ZNF804B: variants seen among roughly 807,000 people sequenced by gnomAD.
ZNF804B encodes the protein zinc finger protein 804B.
In ZNF804B, 80 loss-of-function variants were observed where a neutral mutation model predicts 101.4. The observed-to-expected ratio is 0.79, with a 90% CI of 0.66 to 0.95. ZNF804B has a LOEUF of 0.95. ZNF804B is among the 40% of genes least tolerant of loss of function. The pLI, the probability that ZNF804B is intolerant of heterozygous loss-of-function variation, is 0.00. For synonymous variants in ZNF804B, 622 were observed against 558.8 expected (o/e 1.11, Z -1.59); for missense variants, 1,673 against 1,561.9 (o/e 1.07, Z -1.20).
intron 1 of ZNF804B, among the ~76,000 whole-genome samples, chr7:88,831,377 G>C (rs1233587697): frequency 6.6e-6 from 1 of 151,786 alleles, no homozygotes; most frequent in Admixed American, 6.6e-5. Flanking sequence ...GTAAAATGTT[G>C]CCATATTTAT....
intron 1 of ZNF804B, among the ~76,000 whole-genome samples, chr7:88,785,477 G>A (rs891126898): frequency 2.0e-5 from 3 of 151,970 alleles, no homozygotes; most frequent in African/African-American, 7.3e-5. Flanking sequence ...GTTCTCATCC[G>A]ATCTGTTTCC....
intron 1 of ZNF804B, among the ~76,000 whole-genome samples, chr7:88,842,081 A>G (rs1285903051): frequency 6.6e-6 from 1 of 152,168 alleles, no homozygotes; most frequent in Non-Finnish European, 1.5e-5. Context: ...ATTCAATACA[A>G]ATATTTAAGT....
At chr7:89,329,743 T>G (rs1790949360) in intron 3 of ZNF804B, among the ~76,000 whole-genome samples, 1 of 151,644 alleles carries the variant, frequency 6.6e-6, no homozygotes, top group Non-Finnish European at 1.5e-5. Flanking sequence ...TAGTACATCT[T>G]AATATGGAAA....
At chr7:89,322,826 C>T (rs2115972011) in intron 2 of ZNF804B, among the ~76,000 whole-genome samples, 1 of 152,208 alleles carries the variant, frequency 6.6e-6, no homozygotes, top group East Asian at 1.9e-4. Flanking sequence ...GAAAACATGG[C>T]TTCAGTGGTG....
intron 1 of ZNF804B, among the ~76,000 whole-genome samples, chr7:88,968,569 A>G (rs941530569): frequency 3.3e-5 from 5 of 151,650 alleles, no homozygotes; most frequent in African/African-American, 1.2e-4. Context: ...GAGTGCCTTG[A>G]ACACTGCCTG....
chr7:89,220,071 A>ATATG lies in ZNF804B; in HGVS notation c.249+1777_249+1778insATGT, dbSNP rs1554380247. On this transcript the variant is annotated intron_variant, in intron 2 of 3. Coordinates refer to ENST00000333190, the MANE Select transcript of ZNF804B (RefSeq NM_181646.5). ...CATATATACATATATACGCACATAT[A>ATATG]TGTGTATATACATATATATACGCAC... Among the ~76,000 whole-genome samples, 447 of 72,716 alleles carry ATATG rather than the reference A, an allele frequency of 6.1e-3. 52 individuals are homozygous for ATATG. Among genetic ancestry groups the ATATG allele is most frequent in the African/African-American group, 0.012 (207 of 17,006 alleles). The allele number at this position is 72,716 out of a possible 152,430, so 47.7% of individuals were successfully genotyped here.
intron 1 of ZNF804B, among the ~76,000 whole-genome samples, chr7:89,023,243 G>A (rs943503831): frequency 6.6e-6 from 1 of 152,072 alleles, no homozygotes; most frequent in Non-Finnish European, 1.5e-5. Context: ...CCTCTATAGT[G>A]CTGACTTTTT....
chr7:88,842,380 C>G (rs1443029598), intron 1 of ZNF804B, among the ~76,000 whole-genome samples: 1 of 152,164 alleles, frequency 6.6e-6, no homozygotes, highest in Non-Finnish European at 1.5e-5. Context: ...ACTGCCAACT[C>G]TGTTGGGAGA....
intron 1 of ZNF804B, among the ~76,000 whole-genome samples, chr7:89,167,055 A>AT (rs570997279): frequency 1.9e-4 from 29 of 152,130 alleles, no homozygotes; most frequent in African/African-American, 6.3e-4. Flanking sequence ...AATTTTTTGC[A>AT]TTTTTTAATG....
intron 1 of ZNF804B, among the ~76,000 whole-genome samples, chr7:89,069,409 G>A (rs760238631): frequency 6.6e-6 from 1 of 152,022 alleles, no homozygotes; most frequent in Non-Finnish European, 1.5e-5. Flanking sequence ...AGCTTATTAA[G>A]TATAATTAGG....
chr7:89,265,297 CGT>C (rs60727490), intron 2 of ZNF804B, among the ~76,000 whole-genome samples: 10,328 of 101,234 alleles, frequency 0.1, 407 homozygotes, highest in Admixed American at 0.17. Flanking sequence ...TGTGTGTGCG[CGT>C]GCGCGCGCGC....
chr7:89,037,505 T>C (rs2116242397), intron 1 of ZNF804B, among the ~76,000 whole-genome samples: 1 of 151,832 alleles, frequency 6.6e-6, no homozygotes, highest in East Asian at 1.9e-4. Context: ...TACCTAGCCT[T>C]ATTGACCTAT....
intron 1 of ZNF804B, among the ~76,000 whole-genome samples, chr7:89,202,447 G>A (rs1487055147): frequency 3.9e-5 from 6 of 152,088 alleles, no homozygotes; most frequent in Non-Finnish European, 7.4e-5. Flanking sequence ...GGATGATTCT[G>A]TCTTCTCTAG....
At chr7:89,111,219 G>T (rs1188599061) in intron 1 of ZNF804B, among the ~76,000 whole-genome samples, 3 of 152,194 alleles carry the variant, frequency 2.0e-5, no homozygotes, top group Admixed American at 2.0e-4. Flanking sequence ...GGACATAAAA[G>T]TATTTTTAAA....
At chr7:88,965,826 T>G (rs531917167) in intron 1 of ZNF804B, among the ~76,000 whole-genome samples, 1 of 151,580 alleles carries the variant, frequency 6.6e-6, no homozygotes, top group South Asian at 2.1e-4. Flanking sequence ...CAAACAAGGA[T>G]TAAGATGACA....
chr7:88,873,927 G>A (rs969628038), intron 1 of ZNF804B, among the ~76,000 whole-genome samples: 2 of 152,044 alleles, frequency 1.3e-5, no homozygotes, highest in African/African-American at 4.8e-5. Flanking sequence ...TTGTCCTTTT[G>A]GCTTAGGATT....
chr7:88,918,874 T>C (rs1792676375), intron 1 of ZNF804B, among the ~76,000 whole-genome samples: 1 of 152,130 alleles, frequency 6.6e-6, no homozygotes, highest in African/African-American at 2.4e-5. Flanking sequence ...ATCCTCTGAC[T>C]ATATTTCTTA....
At chr7:89,014,815 C>G (rs1031299174) in intron 1 of ZNF804B, among the ~76,000 whole-genome samples, 1 of 151,858 alleles carries the variant, frequency 6.6e-6, no homozygotes, top group Non-Finnish European at 1.5e-5. Flanking sequence ...GCTTTCCACT[C>G]TGTTAATTGT....
intron 2 of ZNF804B, among the ~76,000 whole-genome samples, chr7:89,298,414 G>C (rs1274738335): frequency 6.7e-6 from 1 of 149,556 alleles, no homozygotes; most frequent in East Asian, 2.0e-4. Flanking sequence ...ACAGGCCCTG[G>C]TGTGTGATGT....
Sources: allele counts gnomAD v4.1 joint callset (sites outside exome capture counted in the v4.1 genomes callset), GRCh38; gene constraint gnomAD v4.1.1; transcripts MANE v1.5; gene names NCBI Gene and HGNC (gene_info 2026-07-23, HGNC 2026-07-21).